Variants in GRHL2 observed in about 807,000 individuals in gnomAD.
GRHL2 encodes grainyhead-like protein 2 homolog.
A neutral mutation model predicts 83.8 loss-of-function variants in GRHL2; 21 were observed. The observed-to-expected ratio is 0.25, with a 90% CI of 0.18 to 0.36. The LOEUF (loss-of-function observed/expected upper bound fraction) is 0.36. GRHL2 is among the 10% of genes least tolerant of loss of function. The pLI is 1.00. For missense variants in GRHL2, 623 were observed against 781.8 expected, an observed-to-expected ratio of 0.80 and a Z score of 2.42; for synonymous variants, 280 against 278.9, an observed-to-expected ratio of 1.00 and a Z score of -0.04.
chr8:101,504,821 C>T (rs1170787230), intron 1 of GRHL2, among the ~76,000 whole-genome samples: 3 of 151,802 alleles, frequency 2.0e-5, no homozygotes, highest in African/African-American at 4.8e-5. Context: ...ATTTACTGCA[C>T]GCGTCTTTAA....
chr8:101,651,070 G>T (rs1033669555), intron 14 of GRHL2, among the ~76,000 whole-genome samples: 1 of 152,032 alleles, frequency 6.6e-6, no homozygotes, highest in Admixed American at 6.6e-5. Context: ...AGAAATCAAT[G>T]CCACAAAAAT....
chr8:101,611,353 A>T (rs1812745985), intron 8 of GRHL2, among the ~76,000 whole-genome samples: 1 of 150,656 alleles, frequency 6.6e-6, no homozygotes, highest in African/African-American at 2.5e-5. Context: ...TTGTGAGTTG[A>T]TCTCCTTTAT....
chr8:101,559,840 C>G (rs888156347), intron 4 of GRHL2, among the ~76,000 whole-genome samples: 1 of 152,160 alleles, frequency 6.6e-6, no homozygotes, highest in Non-Finnish European at 1.5e-5. Flanking sequence ...GCATTTGAAG[C>G]CTTCCCTGCT....
At chr8:101,568,529 A>G (rs760375098) in intron 4 of GRHL2, among the ~76,000 whole-genome samples, 10 of 152,154 alleles carry the variant, frequency 6.6e-5, no homozygotes. Flanking sequence ...GTCAAGACAC[A>G]TGAAAGAATG....
At chr8:101,519,160 CAA>C (rs1810631020) in intron 1 of GRHL2, among the ~76,000 whole-genome samples, 1 of 151,644 alleles carries the variant, frequency 6.6e-6, no homozygotes, top group Non-Finnish European at 1.5e-5. Flanking sequence ...GTTTTGTAGT[CAA>C]AGTTATCACT....
rs527411537 is a variant in GRHL2, at chr8:101,666,502, G to A, written c.1764-87G>A. On this transcript the variant is annotated intron_variant, in intron 15 of 15. Transcript: ENST00000646743. ...GCCTCCACCACAAAAGAATGGCTAC[G>A]AGAACCCCCAGCCTGGAGCTCCCCT... 6.7e-5 allele frequency: 52 copies of A among 780,070 alleles called. No individual in the cohort carries two copies. The East Asian group carries it at 7.1e-4, about 11-fold the overall frequency. The allele number at this position is 780,070 out of a possible 1,614,324, so 48.3% of individuals were successfully genotyped here. A position where few individuals can be genotyped will look rare whatever the true frequency, so the allele number is the denominator to read the frequency against.
At chr8:101,570,076 C>T (rs1811791039) in intron 4 of GRHL2, among the ~76,000 whole-genome samples, 1 of 152,172 alleles carries the variant, frequency 6.6e-6, no homozygotes, top group African/African-American at 2.4e-5. Context: ...GAAACAGCTT[C>T]CAGTACCTCA....
intron 3 of GRHL2, among the ~76,000 whole-genome samples, chr8:101,555,962 AT>A (rs898301423): frequency 1.0e-4 from 15 of 150,274 alleles, no homozygotes; most frequent in Non-Finnish European, 1.6e-4. Context: ...TTGGAAGAAC[AT>A]TTTTTTTTTG....
chr8:101,553,763 G>A (rs559435067), intron 3 of GRHL2, among the ~76,000 whole-genome samples: 4 of 151,960 alleles, frequency 2.6e-5, no homozygotes, highest in Non-Finnish European at 4.4e-5. Context: ...GAGTAGCTGG[G>A]ACTGCAAGTG....
At chr8:101,632,151 A>G (rs953744415) in intron 10 of GRHL2, 75 bp from the exon 11 acceptor site, 2 of 1,521,632 alleles carry the variant, frequency 1.3e-6, no homozygotes, top group Admixed American at 3.3e-5. Flanking sequence ...AAAATCGTGG[A>G]CTTTAGGACT....
the GRHL2 span, among the ~76,000 whole-genome samples, chr8:101,677,633 A>G: frequency 6.6e-6 from 1 of 151,966 alleles, no homozygotes; most frequent in Non-Finnish European, 1.5e-5. Flanking sequence ...AGGCCCCACT[A>G]CCCCTGCATT....
At chr8:101,674,119 T>C (rs1814252769), downstream of GRHL2, among the ~76,000 whole-genome samples, 1 of 151,752 alleles carries the variant, frequency 6.6e-6, no homozygotes. Flanking sequence ...AGATCCAAAA[T>C]TGACACCCTA....
Position 101,667,131 on chromosome 8 carries a change from CA to C in GRHL2, c.*432del. 3.8e-6 allele frequency: 1 copy of C among 261,948 alleles called. No homozygotes were observed. The highest frequency in any genetic ancestry group is 7.6e-6 in the Non-Finnish European group (1 of 131,772). 16.2% of individuals were successfully genotyped at this position (261,948 alleles called of 1,614,324 possible). The stretch of plus-strand genomic sequence containing the variant: ...CATATCTATCTCCCGAGTGGCTGGA[CA>C]AAATGAGCTACGTCTGGGTGCAGTA... On this transcript the variant is annotated 3_prime_UTR_variant, in exon 16 of 16. Coordinates refer to ENST00000646743, the MANE Select transcript of GRHL2 (RefSeq NM_024915.4).
rs752148259 is a variant in GRHL2 at position 101,644,243 on chromosome 8, G to A, written c.1612+18G>A. ...AAAGCGAGGTATCTCTCCTGCTGGG[G>A]CATGCCCTCTCAGAAGGGATGCGGG... On this transcript the variant is annotated intron_variant, in intron 13 of 15. Coordinates refer to ENST00000646743, the MANE Select transcript of GRHL2 (RefSeq NM_024915.4). The A allele has an allele frequency of 2.5e-6, 4 of 1,596,948 alleles. No individual in the cohort carries two copies. Among genetic ancestry groups the A allele is most frequent in the Admixed American group, 3.4e-5 (2 of 59,608 alleles).
the GRHL2 span, among the ~76,000 whole-genome samples, chr8:101,678,581 C>G: frequency 2.6e-5 from 4 of 151,880 alleles, no homozygotes; most frequent in Non-Finnish European, 5.9e-5. Context: ...GAGCCCACCA[C>G]AGCTCAAGGA....
intron 4 of GRHL2, among the ~76,000 whole-genome samples, chr8:101,560,927 C>T (rs564526929): frequency 3.7e-4 from 56 of 152,052 alleles, no homozygotes; most frequent in African/African-American, 1.3e-3. Context: ...TTTTGCAGTC[C>T]ATTAGCCTTT....
intron 14 of GRHL2, among the ~76,000 whole-genome samples, chr8:101,650,051 A>C (rs1424080642): frequency 6.6e-6 from 1 of 152,190 alleles, no homozygotes; most frequent in African/African-American, 2.4e-5. Context: ...CTAGAACTCT[A>C]CTTTGAATAC....
chr8:101,636,488 C>T (rs1419942898), intron 11 of GRHL2, among the ~76,000 whole-genome samples: 2 of 152,130 alleles, frequency 1.3e-5, no homozygotes, highest in Non-Finnish European at 2.9e-5. Flanking sequence ...CACTGTGCTA[C>T]ACAGGGGGCA....
At chr8:101,531,033 C>G (rs1586066906) in intron 1 of GRHL2, among the ~76,000 whole-genome samples, 1 of 152,110 alleles carries the variant, frequency 6.6e-6, no homozygotes, top group East Asian at 1.9e-4. Flanking sequence ...AAGTCCAAGA[C>G]CAGCCTGGGC....
Sources: gnomAD v4.1 joint callset for allele counts (sites outside exome capture counted in the v4.1 genomes callset) on GRCh38, gnomAD v4.1.1 for gene constraint, MANE v1.5 for transcripts, NCBI Gene and HGNC (gene_info 2026-07-23, HGNC 2026-07-21) for gene names.